KCNH7: variants seen among roughly 807,000 people sequenced by gnomAD.
KCNH7 encodes the protein voltage-gated inwardly rectifying potassium channel KCNH7.
In KCNH7, 49 loss-of-function variants were observed where a neutral mutation model predicts 120.8. That is an observed-to-expected ratio of 0.41 (90% CI 0.32 to 0.51). KCNH7 has a LOEUF of 0.51. Ranked by LOEUF, KCNH7 falls within the 20% of genes least tolerant of loss-of-function variation. The pLI is 0.38. For synonymous variants in KCNH7, 547 were observed against 516.1 expected (o/e 1.06, Z -0.81); for missense variants, 1,097 against 1,446.6 (o/e 0.76, Z 3.92).
chr2:162,694,100 A>G lies in KCNH7; in HGVS notation c.307+142437T>C, dbSNP rs537089465. 7.9e-4 allele frequency among the ~76,000 whole-genome samples: 121 copies of G among 152,298 alleles called. 1 individual carries two copies. Among genetic ancestry groups the G allele is most frequent in the Middle Eastern group, 3.4e-3 (1 of 294 alleles). ...ACATATTTTAATGATATGTATTCTC[A>G]TTCTGAAAACATTCCTGAAGAACTA... On this transcript the variant is annotated intron_variant, in intron 2 of 15. Transcript: ENST00000332142.
At chr2:162,798,067 A>G (rs1684207114) in intron 2 of KCNH7, 2 of 152,126 alleles carry the variant, frequency 1.3e-5, no homozygotes, top group African/African-American at 4.8e-5. Flanking sequence ...ATCCTTAAGT[A>G]AATATACATT....
At chr2:162,405,149 T>C (rs1009271645) in intron 9 of KCNH7, among the ~76,000 whole-genome samples, 1 of 152,038 alleles carries the variant, frequency 6.6e-6, no homozygotes, top group African/African-American at 2.4e-5. Flanking sequence ...CCTTTATCTT[T>C]ATTTTGATAT....
At chr2:162,704,709 G>C (rs924406898) in intron 2 of KCNH7, among the ~76,000 whole-genome samples, 1 of 152,146 alleles carries the variant, frequency 6.6e-6, no homozygotes. Context: ...CTGCTGCTTT[G>C]AGCCTGATTG....
intron 2 of KCNH7, among the ~76,000 whole-genome samples, chr2:162,553,493 CA>C (rs1257446532): frequency 2.0e-5 from 3 of 151,910 alleles, no homozygotes; most frequent in African/African-American, 7.3e-5. Flanking sequence ...ACTAAAAATA[CA>C]AAAAATTAGC....
intron 2 of KCNH7, among the ~76,000 whole-genome samples, chr2:162,615,313 T>C (rs1271250193): frequency 6.6e-6 from 1 of 152,194 alleles, no homozygotes; most frequent in Non-Finnish European, 1.5e-5. Flanking sequence ...ATGTTTTTCA[T>C]TTGCTTATTT....
At chr2:162,404,206 CT>C (rs1268442481) in intron 9 of KCNH7, among the ~76,000 whole-genome samples, 1 of 151,914 alleles carries the variant, frequency 6.6e-6, no homozygotes, top group East Asian at 2.0e-4. Flanking sequence ...CTATACACAG[CT>C]TTCTTGACTG....
chr2:162,516,703 G>T (rs1176361417), intron 4 of KCNH7, among the ~76,000 whole-genome samples: 1 of 151,698 alleles, frequency 6.6e-6, no homozygotes, highest in Non-Finnish European at 1.5e-5. Flanking sequence ...TTGATTCTTG[G>T]ACTCCCTGGG....
chr2:162,774,593 T>C (rs1246664535), intron 2 of KCNH7, among the ~76,000 whole-genome samples: 1 of 152,210 alleles, frequency 6.6e-6, no homozygotes, highest in African/African-American at 2.4e-5. Flanking sequence ...TGAACTGGCA[T>C]GTGGATGCTC....
At chr2:162,428,584 T>C (rs1235082179) in intron 8 of KCNH7, among the ~76,000 whole-genome samples, 1 of 151,926 alleles carries the variant, frequency 6.6e-6, no homozygotes, top group East Asian at 1.9e-4. Context: ...TTTTATTCAT[T>C]TGGTCTATTT....
At chr2:162,632,773 A>G (rs1683818304) in intron 2 of KCNH7, among the ~76,000 whole-genome samples, 1 of 151,866 alleles carries the variant, frequency 6.6e-6, no homozygotes, top group South Asian at 2.1e-4. Flanking sequence ...ACAATCAGCT[A>G]ACCATCTAAA....
chr2:162,401,392 G>A lies in KCNH7; in HGVS notation c.2155-951C>T, dbSNP rs138757946. 1.8e-3 allele frequency among the ~76,000 whole-genome samples: 273 copies of A among 151,912 alleles called. 1 individual carries two copies. The highest frequency in any genetic ancestry group is 6.0e-3 in the African/African-American group (251 of 41,492). Reference sequence around the variant, plus strand: ...GCAGACTCATTTAAATACACTTTGAGGTGGAGGAATGGGGCATTATATAGT... The same window carrying A: ...GCAGACTCATTTAAATACACTTTGAAGTGGAGGAATGGGGCATTATATAGT... On this transcript the variant is annotated intron_variant, in intron 9 of 15. Coordinates refer to ENST00000332142, the MANE Select transcript of KCNH7 (RefSeq NM_033272.4).
chr2:162,577,291 G>GTCTATCTGTCTATCTATCTATCTA (rs1553497413), intron 2 of KCNH7, among the ~76,000 whole-genome samples: 26 of 127,332 alleles, frequency 2.0e-4, no homozygotes, highest in African/African-American at 7.0e-4. Context: ...AGATCTATCT[G>GTCTATCTGTCTATCTATCTATCTA]TCTATCTATC....
At chr2:162,550,462 A>G (rs1489832845) in intron 2 of KCNH7, among the ~76,000 whole-genome samples, 2 of 152,096 alleles carry the variant, frequency 1.3e-5, no homozygotes, top group East Asian at 3.9e-4. Flanking sequence ...CCCAGATTCA[A>G]ATCTTATGGG....
rs562702109 is a variant in KCNH7, at chr2:162,612,523, T to C, written c.308-75443A>G. Among the ~76,000 whole-genome samples, 303 of 152,186 alleles carry C rather than the reference T, an allele frequency of 2.0e-3. 1 individual carries two copies. The highest frequency in any genetic ancestry group is 6.8e-3 in the African/African-American group (284 of 41,560). ...CTAGGAGACCCCAAATAGTAAATTA[T>C]CATAAGTAATTGATATTGATTGATA... On this transcript the variant is annotated intron_variant, in intron 2 of 15. Coordinates refer to ENST00000332142, the MANE Select transcript of KCNH7 (RefSeq NM_033272.4).
chr2:162,541,088 G>T (rs1692288015), intron 2 of KCNH7, among the ~76,000 whole-genome samples: 1 of 152,092 alleles, frequency 6.6e-6, no homozygotes, highest in African/African-American at 2.4e-5. Flanking sequence ...TGGCTTTTGG[G>T]ATTGTGTAAA....
chr2:162,683,148 C>T (rs1479539846), intron 2 of KCNH7, among the ~76,000 whole-genome samples: 2 of 151,640 alleles, frequency 1.3e-5, no homozygotes, highest in East Asian at 3.9e-4. Context: ...TATTGCAGGG[C>T]ATGAGAAGGT....
chr2:162,586,047 A>C (rs1443208873), intron 2 of KCNH7, among the ~76,000 whole-genome samples: 1 of 152,096 alleles, frequency 6.6e-6, no homozygotes, highest in Admixed American at 6.5e-5. Flanking sequence ...TTAGATTACT[A>C]TCAGTTCATC....
intron 2 of KCNH7, chr2:162,797,091 T>C (rs1376193095): frequency 6.6e-6 from 1 of 152,076 alleles, no homozygotes; most frequent in Non-Finnish European, 1.5e-5. Context: ...TTGCAAGGCA[T>C]AATTGGTAAA....
chr2:162,435,695 G>T (rs1024045668), intron 7 of KCNH7, 98 bp from the exon 8 acceptor site: 34 of 1,200,264 alleles, frequency 2.8e-5, no homozygotes, highest in Non-Finnish European at 3.4e-5. Flanking sequence ...AGACAATAGG[G>T]TAGCATTAAG....
Sources: gnomAD v4.1 joint callset for allele counts (sites outside exome capture counted in the v4.1 genomes callset) on GRCh38, gnomAD v4.1.1 for gene constraint, MANE v1.5 for transcripts, NCBI Gene and HGNC (gene_info 2026-07-23, HGNC 2026-07-21) for gene names.